The following SH3RF3 variants were observed in gnomAD, a reference collection of about 807,000 sequenced individuals.
SH3RF3 encodes SH3 domain containing ring finger 3.
A neutral mutation model predicts 66.3 loss-of-function variants in SH3RF3; 29 were observed. The ratio of observed to expected loss-of-function variants is 0.44; its 90% CI spans 0.33 to 0.60. The LOEUF is 0.60. SH3RF3 is among the 20% of genes least tolerant of loss of function. The pLI is 0.04. For synonymous variants in SH3RF3, 583 were observed against 532.0 expected (o/e 1.10, Z -1.32); for missense variants, 1,194 against 1,190.9 (o/e 1.00, Z -0.04).
intron 9 of SH3RF3, among the ~76,000 whole-genome samples, chr2:109,497,593 C>T (rs561328496): frequency 8.7e-4 from 133 of 152,266 alleles, no homozygotes; most frequent in Non-Finnish European, 1.6e-3. Flanking sequence ...AGCTGTCATC[C>T]TCAGCTGCTG....
chr2:109,476,904 G>A (rs1025995207), intron 8 of SH3RF3, among the ~76,000 whole-genome samples: 3 of 152,264 alleles, frequency 2.0e-5, no homozygotes, highest in East Asian at 3.9e-4. Context: ...TTGTCATGGC[G>A]CTAATGGGAG....
At chr2:109,213,557 T>C (rs1336546766) in intron 1 of SH3RF3, among the ~76,000 whole-genome samples, 1 of 152,170 alleles carries the variant, frequency 6.6e-6, no homozygotes, top group African/African-American at 2.4e-5. Flanking sequence ...GGGGCTGGGC[T>C]CTTAAAGCAA....
At chr2:109,444,641 C>CCT (rs1677658351) in intron 7 of SH3RF3, among the ~76,000 whole-genome samples, 1 of 152,142 alleles carries the variant, frequency 6.6e-6, no homozygotes, top group Non-Finnish European at 1.5e-5. Context: ...AGCTCAGCAC[C>CCT]CTCTCTGCAG....
chr2:109,245,374 C>T (rs1023873032), intron 1 of SH3RF3, among the ~76,000 whole-genome samples: 1 of 152,060 alleles, frequency 6.6e-6, no homozygotes, highest in South Asian at 2.1e-4. Flanking sequence ...CTGGAATTCC[C>T]TCTTGGTGCT....
intron 8 of SH3RF3, among the ~76,000 whole-genome samples, chr2:109,469,891 A>G (rs904319851): frequency 6.6e-6 from 1 of 152,180 alleles, no homozygotes; most frequent in East Asian, 1.9e-4. Flanking sequence ...AACCTCAGAC[A>G]TTCTTCTGTG....
chr2:109,421,594 C>T (rs533029265), intron 5 of SH3RF3, among the ~76,000 whole-genome samples: 144 of 152,326 alleles, frequency 9.5e-4, no homozygotes, highest in African/African-American at 3.3e-3. Context: ...TCACCCAGTT[C>T]GCCTGCCCTG....
chr2:109,335,753 C>T (rs527508224), intron 1 of SH3RF3, among the ~76,000 whole-genome samples: 1 of 152,358 alleles, frequency 6.6e-6, no homozygotes, highest in South Asian at 2.1e-4. Context: ...GTAACGGGCA[C>T]TCATTCCGAT....
intron 1 of SH3RF3, among the ~76,000 whole-genome samples, chr2:109,142,089 C>CTG (rs1676967991): frequency 6.6e-6 from 1 of 152,020 alleles, no homozygotes; most frequent in Non-Finnish European, 1.5e-5. Flanking sequence ...GCTGCAGCCC[C>CTG]TGGCCTGTCC....
At chr2:109,248,921 TGTCCTGTCC>T (rs1679989064) in intron 1 of SH3RF3, among the ~76,000 whole-genome samples, 1 of 151,608 alleles carries the variant, frequency 6.6e-6, no homozygotes, top group Non-Finnish European at 1.5e-5. Flanking sequence ...TGTCCTGTCC[TGTCCTGTCC>T]TGTCTTGCTC....
chr2:109,226,173 G>A (rs373237610), intron 1 of SH3RF3, among the ~76,000 whole-genome samples: 1 of 152,186 alleles, frequency 6.6e-6, no homozygotes, highest in African/African-American at 2.4e-5. Context: ...TGTTTCCCAG[G>A]TTTATGAACC....
At chr2:109,250,580 C>T (rs546810922) in intron 1 of SH3RF3, among the ~76,000 whole-genome samples, 80 of 151,502 alleles carry the variant, frequency 5.3e-4, no homozygotes, top group Middle Eastern at 6.8e-3. Context: ...TACAGAAAAA[C>T]CTTTAACAAA....
chr2:109,272,872 C>A (rs1467103798), intron 1 of SH3RF3, among the ~76,000 whole-genome samples: 1 of 152,198 alleles, frequency 6.6e-6, no homozygotes, highest in East Asian at 1.9e-4. Flanking sequence ...CAAACGTTCT[C>A]TAACATCCCT....
chr2:109,198,811 A>G (rs1394374535), intron 1 of SH3RF3, among the ~76,000 whole-genome samples: 1 of 152,220 alleles, frequency 6.6e-6, no homozygotes, highest in Non-Finnish European at 1.5e-5. Context: ...TACCTAGGCT[A>G]CGTGGCACAG....
chr2:109,190,370 C>T lies in SH3RF3; in HGVS notation c.573+60257C>T, dbSNP rs564896123. On this transcript the variant is annotated intron_variant, in intron 1 of 9. Coordinates refer to ENST00000309415, the MANE Select transcript of SH3RF3 (RefSeq NM_001099289.3). ...TGTACTTGTAGTAGAGATGGGGTTT[C>T]GCCATGTTGGCCAGGCTGGTCTCAA... 8.1e-4 allele frequency among the ~76,000 whole-genome samples: 124 copies of T among 152,308 alleles called. 1 individual carries two copies. The South Asian group carries it at 9.9e-3, about 12-fold the overall frequency.
At chr2:109,456,501 C>T (rs998016049) in intron 8 of SH3RF3, among the ~76,000 whole-genome samples, 2 of 152,228 alleles carry the variant, frequency 1.3e-5, no homozygotes, top group Admixed American at 6.5e-5. Flanking sequence ...AGGAATGTCC[C>T]GTCAGAGCAC....
At chr2:109,437,293 C>T (rs943951979) in intron 7 of SH3RF3, 147 bp downstream of exon 7, 15 of 1,307,568 alleles carry the variant, frequency 1.1e-5, no homozygotes, top group Admixed American at 8.6e-5. Context: ...TAAGGAAAAC[C>T]GGTTTGGCCC....
chr2:109,279,369 TG>T (rs1451516619), intron 1 of SH3RF3, among the ~76,000 whole-genome samples: 9 of 152,234 alleles, frequency 5.9e-5, no homozygotes, highest in African/African-American at 1.9e-4. Context: ...AAATCGGCAG[TG>T]GCAGGTTCTT....
At chr2:109,491,772 T>C (rs1297024886) in intron 9 of SH3RF3, among the ~76,000 whole-genome samples, 1 of 152,168 alleles carries the variant, frequency 6.6e-6, no homozygotes, top group Non-Finnish European at 1.5e-5. Context: ...CATTGTAACA[T>C]TGCTGAAATA....
intron 8 of SH3RF3, among the ~76,000 whole-genome samples, chr2:109,466,947 A>T (rs181217693): frequency 7.1e-6 from 1 of 140,296 alleles, no homozygotes; most frequent in African/African-American, 3.0e-5. Flanking sequence ...GTGTGTGTCT[A>T]TATATCTGTG....
Sources: gnomAD v4.1 joint callset for allele counts (sites outside exome capture counted in the v4.1 genomes callset) on GRCh38, gnomAD v4.1.1 for gene constraint, MANE v1.5 for transcripts, NCBI Gene and HGNC (gene_info 2026-07-23, HGNC 2026-07-21) for gene names.